NCS1: variants seen among roughly 807,000 people sequenced by gnomAD.
NCS1 encodes the protein frequenin homolog.
In NCS1, 6 loss-of-function variants were observed where a neutral mutation model predicts 28.4. The ratio of observed to expected loss-of-function variants is 0.21; its 90% CI spans 0.12 to 0.42. NCS1 has a LOEUF of 0.42. Ranked by LOEUF, NCS1 falls within the 10% of genes least tolerant of loss-of-function variation. NCS1 has a pLI of 1.00. For synonymous variants in NCS1, 86 were observed against 99.3 expected (o/e 0.87, Z 0.79); for missense variants, 131 against 241.4 (o/e 0.54, Z 3.03).
rs1832555150 is a variant in NCS1 at position 130,175,784 on chromosome 9, C to G, written c.64+3057C>G. 6.6e-6 allele frequency among the ~76,000 whole-genome samples: 1 copy of G among 152,230 alleles called. No individual in the cohort carries two copies. Among genetic ancestry groups the G allele is most frequent in the Admixed American group, 6.5e-5 (1 of 15,282 alleles). On this transcript the variant is annotated intron_variant, in intron 1 of 7. Coordinates refer to ENST00000372398, the MANE Select transcript of NCS1 (RefSeq NM_014286.4). The surrounding 1 kb of genome is among the most constrained non-coding windows in gnomAD (Gnocchi z 4.9). The stretch of plus-strand genomic sequence containing the variant: ...CTCAAACCCTAACCCAGTCCTCAGC[C>G]TTCCACCAGCAACAGGTTAGGGAGA...
At position 130,186,956 on chromosome 9, in the gene NCS1, G is replaced by A. The variant is rs147868622; in HGVS notation, c.65-14002G>A. Among the ~76,000 whole-genome samples, 26 of 152,328 alleles carry A rather than the reference G, an allele frequency of 1.7e-4. No homozygotes were observed. The East Asian group carries it at 4.8e-3, about 28-fold the overall frequency. On this transcript the variant is annotated intron_variant, in intron 1 of 7. Coordinates refer to ENST00000372398, the MANE Select transcript of NCS1 (RefSeq NM_014286.4). The surrounding 1 kb of genome is among the most constrained non-coding windows in gnomAD (Gnocchi z 4.1). ...CTTATGTGGCCAGAAGCAGATCCGC[G>A]GAAGTCCCTTGGCCTCTCCAAGCTT...
chr9:130,224,469 A>G (rs1236300233), intron 6 of NCS1, among the ~76,000 whole-genome samples: 2 of 150,506 alleles, frequency 1.3e-5, no homozygotes, highest in African/African-American at 4.9e-5. Context: ...GAGGGAGGAG[A>G]ATTGCTTGAA....
chr9:130,231,603 C>G (rs962678784), intron 7 of NCS1, among the ~76,000 whole-genome samples: 1 of 151,910 alleles, frequency 6.6e-6, no homozygotes, highest in Non-Finnish European at 1.5e-5. Flanking sequence ...AGGCTAGTCT[C>G]GAACTCTTGA....
chr9:130,200,486 T>A lies in NCS1; in HGVS notation c.65-472T>A. 7.6e-6 allele frequency: 10 copies of A among 1,311,472 alleles called. No individual in the cohort carries two copies. In the South Asian group the frequency reaches 9.0e-5, roughly 12 times the overall value. The allele number at this position is 1,311,472 out of a possible 1,614,324, so 81.2% of individuals were successfully genotyped here. ...TGACAGGGAGGGTGGTCCACCCTTC[T>A]GCTGAGAGCTGCCCCTTTTCAGCCT... is the stretch of plus-strand genomic sequence containing the variant. On this transcript the variant is annotated intron_variant, in intron 1 of 7. Coordinates refer to ENST00000372398, the MANE Select transcript of NCS1 (RefSeq NM_014286.4).
At chr9:130,218,162 AAC>A (rs1203418957) in intron 3 of NCS1, among the ~76,000 whole-genome samples, 192 bp downstream of exon 3, 1 of 152,170 alleles carries the variant, frequency 6.6e-6, no homozygotes, top group Non-Finnish European at 1.5e-5. Context: ...ACACACAATA[AAC>A]ACAGATGCAT....
intron 1 of NCS1, among the ~76,000 whole-genome samples, chr9:130,195,332 G>A (rs782190320): frequency 3.2e-4 from 49 of 152,268 alleles, no homozygotes; most frequent in Non-Finnish European, 6.2e-4. Flanking sequence ...GCCCTCTGTC[G>A]TGGAACCCAT....
Position 130,211,010 on chromosome 9 carries a change from ATTTTT to A in NCS1, c.90-6805_90-6801del, listed in dbSNP as rs34425557. Among the ~76,000 whole-genome samples, 424 of 92,380 alleles carry A rather than the reference ATTTTT, an allele frequency of 4.6e-3. 5 individuals carry two copies. Among genetic ancestry groups the A allele is most frequent in the African/African-American group, 0.017 (376 of 22,608 alleles). The allele number at this position is 92,380 out of a possible 152,430, so 60.6% of individuals were successfully genotyped here. ...CAAGCCACTGTGCCCGGCTCCACTA[ATTTTT>A]TTTTTTTTTTTTTTTTGTAGAGAGA... On this transcript the variant is annotated intron_variant, in intron 2 of 7. Coordinates refer to ENST00000372398, the MANE Select transcript of NCS1 (RefSeq NM_014286.4).
Position 130,223,187 on chromosome 9 carries a change from G to A in NCS1, c.474+28G>A, listed in dbSNP as rs782024905. 8 of 1,600,704 alleles carry A rather than the reference G, an allele frequency of 5.0e-6. No homozygotes were observed. In the African/African-American group the frequency reaches 5.4e-5, roughly 11 times the overall value. On this transcript the variant is annotated intron_variant, in intron 6 of 7. Coordinates refer to ENST00000372398, the MANE Select transcript of NCS1 (RefSeq NM_014286.4). ...GAGGTGGGGGGGCGGGGCTGGTCCT[G>A]GACCAGGGAGGCAAGGTGTCGGGGG...
At position 130,175,407 on chromosome 9, in the gene NCS1, T is replaced by C. The variant is rs1832550522; in HGVS notation, c.64+2680T>C. Among the ~76,000 whole-genome samples the C allele has an allele frequency of 6.6e-6, 1 of 152,152 alleles. No homozygotes were observed. Among genetic ancestry groups the C allele is most frequent in the Non-Finnish European group, 1.5e-5 (1 of 68,042 alleles). Reference sequence around the variant, plus strand: ...GAATCTCCTGGTTGATTAATAAACATGAAGGTACCTGGGCTGCCCTCCCGG... The same window carrying C: ...GAATCTCCTGGTTGATTAATAAACACGAAGGTACCTGGGCTGCCCTCCCGG... On this transcript the variant is annotated intron_variant, in intron 1 of 7. Coordinates refer to ENST00000372398, the MANE Select transcript of NCS1 (RefSeq NM_014286.4). The surrounding 1 kb of genome is among the most constrained non-coding windows in gnomAD (Gnocchi z 4.9).
chr9:130,203,873 C>G (rs906202813), intron 2 of NCS1, among the ~76,000 whole-genome samples: 19 of 152,308 alleles, frequency 1.2e-4, no homozygotes, highest in South Asian at 8.3e-4. Context: ...GAGTTCCCCC[C>G]GGCGTCCTCC....
At chr9:130,179,832 C>A (rs1832628652) in intron 1 of NCS1, among the ~76,000 whole-genome samples, 1 of 152,192 alleles carries the variant, frequency 6.6e-6, no homozygotes, top group Non-Finnish European at 1.5e-5. Flanking sequence ...TCAATGCCCT[C>A]ATTTTACAAG....
intron 6 of NCS1, among the ~76,000 whole-genome samples, chr9:130,225,789 A>AC (rs1280590374): frequency 9.9e-5 from 15 of 152,160 alleles, no homozygotes; most frequent in Non-Finnish European, 1.5e-4. Context: ...CTCTCTGGAT[A>AC]CCCGAGATCG....
intron 2 of NCS1, among the ~76,000 whole-genome samples, chr9:130,216,715 C>CA (rs76465819): frequency 0.02 from 1,737 of 87,214 alleles, 25 homozygotes; most frequent in African/African-American, 0.06. Flanking sequence ...GACTCTGTCT[C>CA]AAAAAAAAAA....
chr9:130,192,517 G>A lies in NCS1; in HGVS notation c.65-8441G>A, dbSNP rs782264060. The stretch of plus-strand genomic sequence containing the variant: ...TTGCCTGAAGGTCACTTTGTGGAGC[G>A]TGGGAGCTGGGGGGCCTGGAGGTCT... On this transcript the variant is annotated intron_variant, in intron 1 of 7. Coordinates refer to ENST00000372398, the MANE Select transcript of NCS1 (RefSeq NM_014286.4). The surrounding 1 kb of genome is among the most constrained non-coding windows in gnomAD (Gnocchi z 4.8). Among the ~76,000 whole-genome samples the A allele has an allele frequency of 3.3e-5, 5 of 152,070 alleles. No individual in the cohort carries two copies. Among genetic ancestry groups the A allele is most frequent in the Non-Finnish European group, 5.9e-5 (4 of 68,000 alleles).
rs1554911366 is a variant in NCS1, at chr9:130,226,332, G to A, written c.475-57G>A. The A allele has an allele frequency of 3.4e-6, 5 of 1,482,616 alleles. No homozygotes were observed. In the South Asian group the frequency reaches 5.7e-5, roughly 17 times the overall value. 91.8% of individuals were successfully genotyped at this position (1,482,616 alleles called of 1,614,324 possible). A position where few individuals can be genotyped will look rare whatever the true frequency, so the allele number is the denominator to read the frequency against. On this transcript the variant is annotated intron_variant, in intron 6 of 7. Transcript: ENST00000372398. This position sits in a 1 kb window ranked among gnomAD's most constrained non-coding sequence, Gnocchi z 4.8. ...TTGGGACCGGCCCTGGGCTGGGCTTGTCTAGAGCCCTCTCCTGGGAGGCCC... is the reference window on the plus strand; with the variant it reads ...TTGGGACCGGCCCTGGGCTGGGCTTATCTAGAGCCCTCTCCTGGGAGGCCC...
chr9:130,225,376 G>T (rs1415709044), intron 6 of NCS1, among the ~76,000 whole-genome samples: 1 of 152,258 alleles, frequency 6.6e-6, no homozygotes, highest in Non-Finnish European at 1.5e-5. Flanking sequence ...GACCCAGCTG[G>T]CGTCTTGGTA....
chr9:130,199,685 C>T (rs782696279), intron 1 of NCS1, among the ~76,000 whole-genome samples: 3 of 152,216 alleles, frequency 2.0e-5, no homozygotes, highest in Non-Finnish European at 2.9e-5. Context: ...CCGCCCTGGG[C>T]GCAGATTCGG....
intron 2 of NCS1, among the ~76,000 whole-genome samples, chr9:130,217,623 G>A (rs1245643772): frequency 1.3e-5 from 2 of 152,210 alleles, no homozygotes; most frequent in African/African-American, 4.8e-5. Flanking sequence ...ACGAGGCTAG[G>A]AGAGGTGAAG....
At chr9:130,188,436 T>C (rs1303498343) in intron 1 of NCS1, among the ~76,000 whole-genome samples, 1 of 151,836 alleles carries the variant, frequency 6.6e-6, no homozygotes, top group Admixed American at 6.6e-5. Flanking sequence ...TTTTTTTTTT[T>C]TTTGAGACGG....
Sources: allele counts gnomAD v4.1 joint callset (sites outside exome capture counted in the v4.1 genomes callset), GRCh38; gene constraint gnomAD v4.1.1; non-coding constraint Gnocchi (gnomAD v3.1); transcripts MANE v1.5; gene names NCBI Gene and HGNC (gene_info 2026-07-23, HGNC 2026-07-21).